LARS2: variants seen among roughly 807,000 people sequenced by gnomAD.
LARS2 encodes leucine--tRNA ligase, mitochondrial.
Under a neutral mutation model 116.6 loss-of-function variants are expected in LARS2, and 81 were observed. The observed-to-expected ratio is 0.69, with a 90% CI of 0.58 to 0.84. LARS2 has a LOEUF of 0.84. LARS2 is among the 40% of genes least tolerant of loss of function. The pLI is 0.00. For missense variants in LARS2, 968 were observed against 1,114.5 expected, an observed-to-expected ratio of 0.87 and a Z score of 1.87; for synonymous variants, 396 against 407.2, an observed-to-expected ratio of 0.97 and a Z score of 0.33.
intron 6 of LARS2, among the ~76,000 whole-genome samples, chr3:45,430,581 A>C (rs1698689633): frequency 1.1e-5 from 1 of 87,910 alleles, no homozygotes; most frequent in Non-Finnish European, 2.2e-5. Flanking sequence ...CGCCCGGCCA[A>C]TCTTTTTTTT....
At chr3:45,431,324 T>C (rs1698710080) in intron 6 of LARS2, among the ~76,000 whole-genome samples, 1 of 152,250 alleles carries the variant, frequency 6.6e-6, no homozygotes, top group East Asian at 1.9e-4. Context: ...CCTCTACTTT[T>C]TGTTTTCTAT....
At chr3:45,485,344 T>C (rs549773770) in intron 10 of LARS2, among the ~76,000 whole-genome samples, 1 of 152,356 alleles carries the variant, frequency 6.6e-6, no homozygotes, top group South Asian at 2.1e-4. Flanking sequence ...CTGATGTCCC[T>C]GGTTTCACTA....
chr3:45,488,626 C>A, intron 11 of LARS2, 71 bp from the exon 12 acceptor site: 2 of 874,118 alleles, frequency 2.3e-6, no homozygotes, highest in South Asian at 1.4e-5. Flanking sequence ...ACCTGGGTGT[C>A]AGTACTGTCA....
chr3:45,406,202 C>T (rs542040101), intron 4 of LARS2, among the ~76,000 whole-genome samples: 5 of 152,204 alleles, frequency 3.3e-5, no homozygotes, highest in African/African-American at 1.2e-4. Context: ...AAGTTGTTGC[C>T]GTCAAGTTTG....
At chr3:45,455,993 AG>A (rs1413979442) in intron 7 of LARS2, among the ~76,000 whole-genome samples, 4 of 151,992 alleles carry the variant, frequency 2.6e-5, no homozygotes, top group Non-Finnish European at 5.9e-5. Flanking sequence ...CAGAGGCTGG[AG>A]GGGTAGGGGT....
chr3:45,439,109 G>A (rs1235298771), intron 6 of LARS2, among the ~76,000 whole-genome samples: 1 of 151,856 alleles, frequency 6.6e-6, no homozygotes, highest in African/African-American at 2.4e-5. Flanking sequence ...CCCTGTTGGG[G>A]GTTGTGGGAG....
chr3:45,543,941 C>T (rs534689401), intron 21 of LARS2, among the ~76,000 whole-genome samples: 4 of 152,264 alleles, frequency 2.6e-5, no homozygotes, highest in South Asian at 4.2e-4. Context: ...GAGTTTTGAT[C>T]GTTGGTAAAA....
In LARS2 at chr3:45,506,823, T is replaced by A. The variant is rs1386084225; in HGVS notation, c.1760+6244T>A. 5.3e-5 allele frequency: 8 copies of A among 152,120 alleles called. 1 individual carries two copies. The allele number at this position is 152,120 out of a possible 1,614,324, so 9.4% of individuals were successfully genotyped here. On this transcript the variant is annotated intron_variant, in intron 15 of 21. Coordinates refer to ENST00000645846, the MANE Select transcript of LARS2 (RefSeq NM_015340.4). ...ACAGCAAAGGTTTATGTATATCTAA[T>A]CATCTTTCCTGTTTTGTAAGAGTTG...
intron 15 of LARS2, among the ~76,000 whole-genome samples, chr3:45,504,878 G>A (rs1228122277): frequency 1.3e-5 from 2 of 151,312 alleles, no homozygotes; most frequent in East Asian, 1.9e-4. Flanking sequence ...TCAGGAGTTC[G>A]AGACCAGCCT....
chr3:45,495,458 A>G (rs1699997367), intron 13 of LARS2: 1 of 152,180 alleles, frequency 6.6e-6, no homozygotes, highest in Non-Finnish European at 1.5e-5. Flanking sequence ...GGGGCTTCCA[A>G]GTTGGTTTGT....
chr3:45,420,187 A>G (rs1254862294), intron 6 of LARS2, among the ~76,000 whole-genome samples: 3 of 152,232 alleles, frequency 2.0e-5, no homozygotes, highest in Non-Finnish European at 4.4e-5. Context: ...GGTGTTAGAC[A>G]CTTTCAAACT....
At chr3:45,484,105 G>T (rs1205635226) in intron 10 of LARS2, 2 of 151,142 alleles carry the variant, frequency 1.3e-5, no homozygotes, top group Non-Finnish European at 2.9e-5. Flanking sequence ...TACTCAGGAA[G>T]CTGAGGTGGG....
chr3:45,449,575 C>G (rs564990146), intron 7 of LARS2, among the ~76,000 whole-genome samples: 49 of 152,178 alleles, frequency 3.2e-4, no homozygotes, highest in African/African-American at 1.1e-3. Flanking sequence ...CTGAAATGTC[C>G]CACCTCTTAA....
chr3:45,445,531 G>A (rs753831783), intron 6 of LARS2, among the ~76,000 whole-genome samples: 3 of 152,178 alleles, frequency 2.0e-5, no homozygotes, highest in Non-Finnish European at 2.9e-5. Flanking sequence ...AGGCTGCGTC[G>A]TATGCATGGC....
intron 1 of LARS2, chr3:45,388,998 T>G (rs1003380305): frequency 6.6e-6 from 1 of 152,194 alleles, no homozygotes; most frequent in African/African-American, 2.4e-5. Context: ...TTGGACCCAG[T>G]TGAAGGTCAT....
intron 20 of LARS2, among the ~76,000 whole-genome samples, chr3:45,536,368 C>T (rs1203249357): frequency 1.3e-5 from 2 of 152,248 alleles, no homozygotes; most frequent in African/African-American, 2.4e-5. Context: ...CTCAGCCTCT[C>T]AAAGTGCTAG....
At position 45,419,667 on chromosome 3, in the gene LARS2, A is replaced by G. The variant is rs765621362; in HGVS notation, c.456-2A>G. On this transcript the variant is annotated splice_acceptor_variant, in intron 5 of 21. Coordinates refer to ENST00000645846, the MANE Select transcript of LARS2 (RefSeq NM_015340.4). LOFTEE classifies it high-confidence loss of function. ...CCAAACCTTTTTCCCATTGTTTCAC[A>G]GTAATATTAAACACATGAGGAAACA... The G allele has an allele frequency of 6.2e-7, 1 of 1,612,854 alleles. No homozygotes were observed. The highest frequency in any genetic ancestry group is 8.5e-7 in the Non-Finnish European group (1 of 1,178,966).
At chr3:45,465,971 ACTT>A (rs779090444) in intron 8 of LARS2, among the ~76,000 whole-genome samples, 1 of 152,160 alleles carries the variant, frequency 6.6e-6, no homozygotes, top group Admixed American at 6.5e-5. Context: ...ATAAAAGAAA[ACTT>A]CTGCAGTCTC....
Position 45,390,746 on chromosome 3 carries a change from G to A in LARS2, c.-87-837G>A, listed in dbSNP as rs1322219791. ...CAGCTCACTGCAAGCTCCGCCTCCCGGGTTCACGCCTTTCTCCTGCCTCAG... is the reference window on the plus strand; with the variant it reads ...CAGCTCACTGCAAGCTCCGCCTCCCAGGTTCACGCCTTTCTCCTGCCTCAG... On this transcript the variant is annotated intron_variant, in intron 1 of 21. Transcript: ENST00000645846. Among the ~76,000 whole-genome samples the A allele has an allele frequency of 8.6e-5, 13 of 150,992 alleles. 1 individual carries two copies. The highest frequency in any genetic ancestry group is 2.4e-4 in the African/African-American group (10 of 41,048).
Sources: gnomAD v4.1 joint callset for allele counts (sites outside exome capture counted in the v4.1 genomes callset) on GRCh38, gnomAD v4.1.1 for gene constraint, MANE v1.5 for transcripts, NCBI Gene and HGNC (gene_info 2026-07-23, HGNC 2026-07-21) for gene names.